The following ZIM3 variants were observed in gnomAD, a reference collection of about 807,000 sequenced individuals.
ZIM3 encodes zinc finger imprinted 3, also known as zinc finger protein 657.
ZIM3 carries 11 observed loss-of-function variants against 12.9 expected under a neutral mutation model. That is an observed-to-expected ratio of 0.85 (90% CI 0.54 to 1.41). The LOEUF (loss-of-function observed/expected upper bound fraction) is 1.41. ZIM3 is among the 40% of genes most tolerant of loss of function. The pLI is 0.00. For synonymous variants in ZIM3, 205 were observed against 198.5 expected (o/e 1.03, Z -0.28); for missense variants, 604 against 557.2 (o/e 1.08, Z -0.85).
Position 57,136,898 on chromosome 19 carries a change from C to T in ZIM3, c.216G>A (p.Glu72=). 2 of 1,614,160 alleles carry T rather than the reference C, an allele frequency of 1.2e-6. No individual in the cohort carries two copies. The highest frequency in any genetic ancestry group is 1.7e-6 in the Non-Finnish European group (2 of 1,180,026). Residue 72 remains glutamate, a synonymous_variant, in exon 4 of 5, where the codon GAG becomes GAA. Coordinates refer to ENST00000269834, the MANE Select transcript of ZIM3 (RefSeq NM_052882.1). ...CTGCACGGCCACTTCCCAGCACTTCCTCTTCCTCCAACCATGGCTCCTTTC... is the reference window on the plus strand; with the variant it reads ...CTGCACGGCCACTTCCCAGCACTTCTTCTTCCTCCAACCATGGCTCCTTTC... ...EQGKEPWLEE[E]EVLGSGRAEK...
chr19:57,139,001 G>A (rs2887656), intron 2 of ZIM3, among the ~76,000 whole-genome samples: 12,433 of 151,996 alleles, frequency 0.082, 1,045 homozygotes, highest in East Asian at 0.42. Flanking sequence ...GGCTAGCTGG[G>A]GAACATAGCA....
At chr19:57,136,788 C>T in intron 4 of ZIM3, 85 bp downstream of exon 4, 1 of 1,150,174 alleles carries the variant, frequency 8.7e-7, no homozygotes. Context: ...GAAGTCACAG[C>T]TGGCTGCCAA....
At position 57,138,646 on chromosome 19, in the gene ZIM3, C is replaced by T. The variant is rs867815780; in HGVS notation, c.16-48G>A. The T allele has an allele frequency of 5.0e-6, 8 of 1,597,858 alleles. No individual in the cohort carries two copies. The African/African-American group carries it at 5.4e-5, about 11-fold the overall frequency. On this transcript the variant is annotated intron_variant, in intron 2 of 4. Coordinates refer to ENST00000269834, the MANE Select transcript of ZIM3 (RefSeq NM_052882.1). ...AGTATAAAAATGCCATTGAATCCTG[C>T]GGCTGAGGATACAGAAACTTGTTTC... is the stretch of plus-strand genomic sequence containing the variant.
intron 2 of ZIM3, among the ~76,000 whole-genome samples, chr19:57,141,883 A>G (rs1329322882): frequency 6.6e-6 from 1 of 152,038 alleles, no homozygotes; most frequent in Non-Finnish European, 1.5e-5. Context: ...ACTCACCACA[A>G]CTGAAACTCA....
intron 3 of ZIM3, among the ~76,000 whole-genome samples, chr19:57,137,425 C>T (rs1051034660): frequency 6.6e-6 from 1 of 151,646 alleles, no homozygotes; most frequent in South Asian, 2.1e-4. Flanking sequence ...GTCAATGTTG[C>T]AGTGACGCCA....
rs757166670 is a variant in ZIM3 at position 57,135,002 on chromosome 19, T to C, written c.1335A>G (p.Lys445=). The change falls in exon 5 of 5, where the codon AAA becomes AAG. Residue 445 remains lysine (K), a synonymous_variant. Coordinates refer to ENST00000269834, the MANE Select transcript of ZIM3 (RefSeq NM_052882.1). ...TACCGCATTCAGAACATCCATAAGG[T>C]TTTTGTCCAGTATGGGTTTTTTTAT... ...SLHKKTHTGQ[K]PYGCSECGKA... is the part of the protein sequence containing the mutation. The C allele has an allele frequency of 1.1e-5, 18 of 1,613,922 alleles. No individual in the cohort carries two copies. The highest frequency in any genetic ancestry group is 1.3e-5 in the Non-Finnish European group (15 of 1,180,016).
chr19:57,144,468 T>TA (rs35146823), intron 1 of ZIM3, among the ~76,000 whole-genome samples: 23,319 of 152,052 alleles, frequency 0.15, 2,265 homozygotes, highest in African/African-American at 0.28. Context: ...TATATAATTT[T>TA]AAAAAACAGT....
Position 57,135,354 on chromosome 19 carries a change from A to G in ZIM3, c.983T>C (p.Ile328Thr), listed in dbSNP as rs781711070. The G allele has an allele frequency of 3.1e-6, 5 of 1,613,846 alleles. No individual in the cohort carries two copies. Among genetic ancestry groups the G allele is most frequent in the African/African-American group, 2.7e-5 (2 of 74,874 alleles). ...TTTATAGGGTTTCTCTCCCGTGTGT[A>G]TTCTCTGGTGTTTCACAAGATCTGA... is the stretch of plus-strand genomic sequence containing the variant. ...YKSDLVKHQR[I>T]HTGEKPYKCS... The change falls in exon 5 of 5, where the codon ATA (isoleucine) becomes ACA (threonine). Residue 328 changes from isoleucine to threonine, a missense_variant. By Grantham distance (89) the Ile-to-Thr change is moderately conservative. Coordinates refer to ENST00000269834, the MANE Select transcript of ZIM3 (RefSeq NM_052882.1).
In ZIM3 at chr19:57,145,108, C is replaced by A. The variant is rs2086931506; in HGVS notation, c.-292G>T. The A allele has an allele frequency of 6.6e-6, 1 of 152,204 alleles. No individual in the cohort carries two copies. Among genetic ancestry groups the A allele is most frequent in the African/African-American group, 2.4e-5 (1 of 41,452 alleles). 9.4% of individuals were successfully genotyped at this position (152,204 alleles called of 1,614,324 possible). ...CACATCAAAATTTCAATTCCCAATT[C>A]TTTCCTCGACTTCTCCAAAACTGAA... is the stretch of plus-strand genomic sequence containing the variant. On this transcript the variant is annotated 5_prime_UTR_variant, in exon 1 of 5. An upstream open reading frame in the 5' UTR gains an earlier in-frame stop. Coordinates refer to ENST00000269834, the MANE Select transcript of ZIM3 (RefSeq NM_052882.1).
rs200650674 is a variant in ZIM3, at chr19:57,136,866, C to T, written c.241+7G>A. ...CATTGACCCACAGTGCTCTCCTGGT[C>T]ACCTACCTGCACGGCCACTTCCCAG... On this transcript the variant is annotated splice_region_variant and intron_variant, in intron 4 of 4. Transcript: ENST00000269834. The T allele has an allele frequency of 5.0e-4, 803 of 1,613,660 alleles. No individual in the cohort carries two copies. The highest frequency in any genetic ancestry group is 6.4e-4 in the Non-Finnish European group (755 of 1,179,758).
chr19:57,136,427 C>T (rs1474094864), intron 4 of ZIM3, among the ~76,000 whole-genome samples: 1 of 152,034 alleles, frequency 6.6e-6, no homozygotes, highest in African/African-American at 2.4e-5. Flanking sequence ...CTTTGGGAGG[C>T]TGAGGCGGGT....
At position 57,135,144 on chromosome 19, in the gene ZIM3, T is replaced by C. The variant is rs1307890335; in HGVS notation, c.1193A>G (p.Lys398Arg). The change falls in exon 5 of 5, where the codon AAA becomes AGA. Residue 398 changes from lysine to arginine, a missense_variant. Transcript: ENST00000269834. The stretch of plus-strand genomic sequence containing the variant: ...AAGGTTTGACTTCTGAAAGAAGGCT[T>C]TTCCACATCTGTTACATTCATAGGG... ...EKPYECNRCG[K>R]AFFQKSNLHS... The C allele has an allele frequency of 8.1e-6, 13 of 1,614,090 alleles. No homozygotes were observed. Among genetic ancestry groups the C allele is most frequent in the Non-Finnish European group, 1.1e-5 (13 of 1,180,046 alleles).
intron 2 of ZIM3, among the ~76,000 whole-genome samples, chr19:57,140,436 G>A (rs145441445): frequency 4.6e-5 from 7 of 151,890 alleles, no homozygotes; most frequent in Admixed American, 1.3e-4. Flanking sequence ...TCGGCCTCCC[G>A]AAGAGCTGGG....
At chr19:57,137,796 G>A (rs886737435) in intron 3 of ZIM3, among the ~76,000 whole-genome samples, 10 of 150,550 alleles carry the variant, frequency 6.6e-5, no homozygotes, top group Non-Finnish European at 1.2e-4. Flanking sequence ...TAGGAGAAAG[G>A]AGATAAAGAA....
Position 57,134,920 on chromosome 19 carries a change from A to G in ZIM3, c.1417T>C (p.Ter473GlnextTer24), listed in dbSNP as rs1239219077. 7.5e-6 allele frequency: 12 copies of G among 1,609,456 alleles called. No individual in the cohort carries two copies. Among genetic ancestry groups the G allele is most frequent in the Non-Finnish European group, 9.3e-6 (11 of 1,177,588 alleles). Reference sequence around the variant, plus strand: ...GTTTTTTTAAGTGCATGGGGCTCCTATCTGGAGTGAATTCTTTTCTGGTGC... The same window carrying G: ...GTTTTTTTAAGTGCATGGGGCTCCTGTCTGGAGTGAATTCTTTTCTGGTGC... The part of the protein sequence containing the change: ...VRHQKRIHSR[*>Q] The change falls in exon 5 of 5, where the codon TAG (stop) becomes CAG (glutamine). Residue 473 changes from the stop codon to glutamine, a stop_lost. Coordinates refer to ENST00000269834, the MANE Select transcript of ZIM3 (RefSeq NM_052882.1).
intron 3 of ZIM3, 95 bp from the exon 4 acceptor site, chr19:57,137,066 G>T: frequency 9.1e-7 from 1 of 1,101,032 alleles, no homozygotes. Context: ...GTATGCTTGT[G>T]TGAATATTTG....
At chr19:57,143,503 C>A (rs971379542) in intron 1 of ZIM3, among the ~76,000 whole-genome samples, 1 of 151,958 alleles carries the variant, frequency 6.6e-6, no homozygotes, top group African/African-American at 2.4e-5. Context: ...CGAATAACGC[C>A]GCAGTGAACA....
intron 1 of ZIM3, among the ~76,000 whole-genome samples, chr19:57,143,931 C>T (rs1443972953): frequency 6.6e-6 from 1 of 152,184 alleles, no homozygotes; most frequent in African/African-American, 2.4e-5. Flanking sequence ...CGGCCTCAGC[C>T]TCCCAAAGTG....
chr19:57,135,516 T>C lies in ZIM3; in HGVS notation c.821A>G (p.Asn274Ser). Residue 274 changes from asparagine (N) to serine (S), a missense_variant, in exon 5 of 5, where the codon AAT (asparagine) becomes AGT (serine). Asn to Ser is a conservative substitution (Grantham distance 46). Coordinates refer to ENST00000269834, the MANE Select transcript of ZIM3 (RefSeq NM_052882.1). Reference sequence around the variant, plus strand: ...ATTACACTGATAGGATTTCTTGGCATTATGAATTTTCTCATGATTAATGCA... The same window carrying C: ...ATTACACTGATAGGATTTCTTGGCACTATGAATTTTCTCATGATTAATGCA... The part of the protein sequence containing the change: ...SSCINHEKIH[N>S]AKKSYQCNEC... 6.2e-7 allele frequency: 1 copy of C among 1,614,056 alleles called. No homozygotes were observed. Among genetic ancestry groups the C allele is most frequent in the South Asian group, 1.1e-5 (1 of 91,074 alleles).
Sources: gnomAD v4.1 joint callset for allele counts (sites outside exome capture counted in the v4.1 genomes callset) on GRCh38, gnomAD v4.1.1 for gene constraint, MANE v1.5 for transcripts, NCBI Gene and HGNC (gene_info 2026-07-23, HGNC 2026-07-21) for gene names.